MCTP2: variants seen among roughly 807,000 people sequenced by gnomAD.
MCTP2 encodes the protein multiple C2 and transmembrane domain containing 2, also known as multiple C2 and transmembrane domain-containing protein 2.
MCTP2 carries 132 observed loss-of-function variants against 111.6 expected under a neutral mutation model. The ratio of observed to expected loss-of-function variants is 1.18; its 90% CI spans 1.03 to 1.37. The LOEUF (loss-of-function observed/expected upper bound fraction) is 1.37, where lower values mean the gene tolerates loss of function less well. Ranked by LOEUF, MCTP2 falls within the 40% of genes most tolerant of loss-of-function variation. The pLI, the probability that MCTP2 is intolerant of heterozygous loss-of-function variation, is 0.00. For synonymous variants in MCTP2, 395 were observed against 387.7 expected, an observed-to-expected ratio of 1.02 and a Z score of -0.22; for missense variants, 1,183 against 1,067.9, an observed-to-expected ratio of 1.11 and a Z score of -1.50.
chr15:94,298,986 T>G, intron 2 of MCTP2, among the ~76,000 whole-genome samples: 1 of 66,490 alleles, frequency 1.5e-5, no homozygotes, highest in Non-Finnish European at 2.9e-5. Flanking sequence ...CCTCTCCCTC[T>G]CCCTCTCTCC....
At chr15:94,332,480 C>A (rs1189186336) in intron 4 of MCTP2, among the ~76,000 whole-genome samples, 1 of 152,114 alleles carries the variant, frequency 6.6e-6, no homozygotes, top group Non-Finnish European at 1.5e-5. Flanking sequence ...TTATATGTTT[C>A]CAAATACTAG....
rs539515938 is a variant in MCTP2, at chr15:94,414,779, G to A, written c.2085+12760G>A. Among the ~76,000 whole-genome samples, 12 of 152,208 alleles carry A rather than the reference G, an allele frequency of 7.9e-5. No individual in the cohort carries two copies. In the South Asian group the frequency reaches 2.1e-3, roughly 26 times the overall value. On this transcript the variant is annotated intron_variant, in intron 17 of 22. Coordinates refer to ENST00000357742, the MANE Select transcript of MCTP2 (RefSeq NM_001385001.1). ...AAACAAAAAGTGTGGCATGTTTTGG[G>A]GGTTGGTTCCATTCACGCCCCATGA...
intron 20 of MCTP2, among the ~76,000 whole-genome samples, chr15:94,467,919 C>A (rs2073535430): frequency 6.6e-6 from 1 of 152,064 alleles, no homozygotes; most frequent in Non-Finnish European, 1.5e-5. Flanking sequence ...ACAAAGATAG[C>A]ATAATAAAGA....
At chr15:94,448,063 T>TTA (rs1224509110) in intron 19 of MCTP2, among the ~76,000 whole-genome samples, 1 of 152,242 alleles carries the variant, frequency 6.6e-6, no homozygotes, top group Admixed American at 6.5e-5. Context: ...CAATTCTTAA[T>TTA]TATCAGTTTA....
At chr15:94,463,367 T>C (rs1309501783) in intron 20 of MCTP2, among the ~76,000 whole-genome samples, 3 of 152,206 alleles carry the variant, frequency 2.0e-5, no homozygotes, top group Non-Finnish European at 2.9e-5. Context: ...GGTGCTAGTT[T>C]AAATGGCATC....
In MCTP2 at chr15:94,330,907, G is replaced by T. The variant is rs551185022; in HGVS notation, c.638-8383G>T. ...GCACCACCATGACTGGCTAATTTCT[G>T]TATTTTTTGTAGAGGTTGGATTTTG... On this transcript the variant is annotated intron_variant, in intron 4 of 22. Transcript: ENST00000357742. Among the ~76,000 whole-genome samples the T allele has an allele frequency of 4.6e-5, 7 of 150,968 alleles. No individual in the cohort carries two copies. The South Asian group carries it at 1.5e-3, about 31-fold the overall frequency.
At chr15:94,304,104 T>A (rs2075773313) in intron 2 of MCTP2, among the ~76,000 whole-genome samples, 1 of 152,236 alleles carries the variant, frequency 6.6e-6, no homozygotes, top group South Asian at 2.1e-4. Context: ...AAGTCTGAGC[T>A]ACAAATGACA....
intron 19 of MCTP2, among the ~76,000 whole-genome samples, chr15:94,445,568 T>G (rs538183522): frequency 3.9e-5 from 6 of 152,298 alleles, no homozygotes; most frequent in Admixed American, 3.9e-4. Flanking sequence ...CATACACATA[T>G]GTATTACGAC....
At chr15:94,332,785 T>G (rs1302308127) in intron 4 of MCTP2, among the ~76,000 whole-genome samples, 2 of 152,236 alleles carry the variant, frequency 1.3e-5, no homozygotes, top group Non-Finnish European at 2.9e-5. Context: ...TAAGTAAGCT[T>G]TTCCTACAAA....
chr15:94,325,224 G>A (rs921161710), intron 4 of MCTP2, among the ~76,000 whole-genome samples: 7 of 152,320 alleles, frequency 4.6e-5, no homozygotes, highest in Non-Finnish European at 8.8e-5. Context: ...GCTTGCGGTA[G>A]GATTAACCTG....
chr15:94,476,007 G>C (rs1202325922), intron 21 of MCTP2, among the ~76,000 whole-genome samples: 1 of 152,162 alleles, frequency 6.6e-6, no homozygotes, highest in African/African-American at 2.4e-5. Context: ...CATAAATTAA[G>C]TTAGCAACCA....
intron 1 of MCTP2, among the ~76,000 whole-genome samples, chr15:94,292,432 G>T (rs2075076178): frequency 6.6e-6 from 1 of 152,102 alleles, no homozygotes; most frequent in African/African-American, 2.4e-5. Flanking sequence ...GAAGTTACAG[G>T]ATACAAAGCC....
At chr15:94,247,868 C>T (rs979516475) in intron 1 of MCTP2, among the ~76,000 whole-genome samples, 7 of 152,152 alleles carry the variant, frequency 4.6e-5, no homozygotes, top group African/African-American at 1.7e-4. Flanking sequence ...AACGAATCCT[C>T]TTCTGAATTC....
intron 2 of MCTP2, among the ~76,000 whole-genome samples, chr15:94,298,940 TCTCTCCCTCTCTCCCTCTCTCC>T (rs2075436488): frequency 1.7e-4 from 1 of 6,044 alleles, no homozygotes; most frequent in African/African-American, 9.7e-4. Flanking sequence ...TCCCTCTCCC[TCTCTCCCTCTCTCCCTCTCTCC>T]CTCTCTCCCT....
intron 1 of MCTP2, among the ~76,000 whole-genome samples, chr15:94,289,531 A>T (rs2074936296): frequency 6.6e-6 from 1 of 152,196 alleles, no homozygotes; most frequent in South Asian, 2.1e-4. Flanking sequence ...AATCAAGGAA[A>T]TGCAAGTGAA....
At chr15:94,363,269 C>T (rs2079031393) in intron 10 of MCTP2, among the ~76,000 whole-genome samples, 2 of 152,112 alleles carry the variant, frequency 1.3e-5, no homozygotes, top group Admixed American at 6.6e-5. Context: ...ACAGAAAAGG[C>T]TGCTGTCCTT....
rs75051229 is a variant in MCTP2 at position 94,370,155 on chromosome 15, A to C, written c.1557A>C (p.Ala519=). The C allele has an allele frequency of 1.5e-3, 2,461 of 1,613,150 alleles. 1 individual carries two copies. Among genetic ancestry groups the C allele is most frequent in the South Asian group, 2.1e-3 (188 of 90,942 alleles). Residue 519 remains alanine (A), a synonymous_variant, in exon 12 of 23, where the codon GCA becomes GCC. Transcript: ENST00000357742. ...GILQVKVLKA[A]DLLAADFSGK... ...TACAAGTGAAGGTTTTAAAGGCAGC[A>C]GATCTCTTAGCGGCAGATTTCTCAG...
rs541634657 is a variant in MCTP2, at chr15:94,237,992, C to T, written c.-66+6328C>T. On this transcript the variant is annotated intron_variant, in intron 1 of 22. Coordinates refer to ENST00000357742, the MANE Select transcript of MCTP2 (RefSeq NM_001385001.1). Reference sequence around the variant, plus strand: ...CCGCCCCGCGCACTTTGAGTTGTCACGCCTTTTTGAACCAAACCAATGTAT... The same window carrying T: ...CCGCCCCGCGCACTTTGAGTTGTCATGCCTTTTTGAACCAAACCAATGTAT... Among the ~76,000 whole-genome samples, 95 of 152,032 alleles carry T rather than the reference C, an allele frequency of 6.2e-4. 1 individual carries two copies. The highest frequency in any genetic ancestry group is 8.8e-4 in the Non-Finnish European group (60 of 68,010).
intron 1 of MCTP2, among the ~76,000 whole-genome samples, chr15:94,263,118 T>C (rs1195657109): frequency 6.6e-6 from 1 of 152,202 alleles, no homozygotes; most frequent in Non-Finnish European, 1.5e-5. Flanking sequence ...CATGACTTTA[T>C]AGTAGAAAAT....
Sources: allele counts gnomAD v4.1 joint callset (sites outside exome capture counted in the v4.1 genomes callset), GRCh38; gene constraint gnomAD v4.1.1; transcripts MANE v1.5; gene names NCBI Gene and HGNC (gene_info 2026-07-23, HGNC 2026-07-21).